The following TRPA1 variants were observed in gnomAD, a reference collection of about 807,000 sequenced individuals.
TRPA1 encodes the protein transient receptor potential cation channel subfamily A member 1.
A neutral mutation model predicts 131.3 loss-of-function variants in TRPA1; 129 were observed. The observed-to-expected ratio is 0.98, with a 90% CI of 0.85 to 1.14. The LOEUF (loss-of-function observed/expected upper bound fraction) is 1.14. Ranked by LOEUF, TRPA1 falls within the 50% of genes most tolerant of loss-of-function variation. TRPA1 has a pLI of 0.00. For synonymous variants in TRPA1, 441 were observed against 451.7 expected, an observed-to-expected ratio of 0.98 and a Z score of 0.30; for missense variants, 1,304 against 1,354.2, an observed-to-expected ratio of 0.96 and a Z score of 0.58.
At chr8:72,070,582 T>C (rs939651791) in intron 2 of TRPA1, among the ~76,000 whole-genome samples, 3 of 152,216 alleles carry the variant, frequency 2.0e-5, no homozygotes, top group African/African-American at 7.2e-5. Flanking sequence ...CCTTCCTACT[T>C]GATCTCTTTG....
intron 2 of TRPA1, among the ~76,000 whole-genome samples, 168 bp downstream of exon 2, chr8:72,071,540 TAGA>T (rs777090614): frequency 6.6e-5 from 10 of 152,318 alleles, no homozygotes; most frequent in Middle Eastern, 3.4e-3. Context: ...AGTATTTCAG[TAGA>T]AGAAGTTGAG....
chr8:72,048,466 T>A (rs917231138), intron 15 of TRPA1, among the ~76,000 whole-genome samples: 2 of 152,040 alleles, frequency 1.3e-5, no homozygotes, highest in Non-Finnish European at 2.9e-5. Flanking sequence ...GGTGACTAGA[T>A]AGCAGTACTG....
chr8:72,030,088 T>C (rs939760090), intron 23 of TRPA1, 119 bp from the exon 24 acceptor site: 66 of 923,352 alleles, frequency 7.1e-5, no homozygotes, highest in Non-Finnish European at 1.2e-4. Context: ...GGGTAGTGTA[T>C]AAATAGCATA....
intron 3 of TRPA1, 41 bp downstream of exon 3, chr8:72,068,982 C>G: frequency 6.2e-7 from 1 of 1,611,820 alleles, no homozygotes; most frequent in South Asian, 1.1e-5. Flanking sequence ...CCAGCACCTG[C>G]ACCGCCGGTC....
chr8:72,057,933 T>C lies in TRPA1; in HGVS notation c.994-117A>G. On this transcript the variant is annotated intron_variant, in intron 8 of 26. Transcript: ENST00000262209. ...AGAGTGTCTATATTATGGCTAGCAC[T>C]GAACCATACGACTAGTTATAGAATT... is the stretch of plus-strand genomic sequence containing the variant. 4.0e-6 allele frequency: 3 copies of C among 752,264 alleles called. No individual in the cohort carries two copies. The South Asian group carries it at 4.7e-5, about 12-fold the overall frequency. The allele number at this position is 752,264 out of a possible 1,614,324, so 46.6% of individuals were successfully genotyped here.
intron 1 of TRPA1, among the ~76,000 whole-genome samples, chr8:72,072,118 GC>G (rs1806077061): frequency 6.6e-6 from 1 of 152,082 alleles, no homozygotes; most frequent in Non-Finnish European, 1.5e-5. Flanking sequence ...AGAAATAAAG[GC>G]CGTTCTTCCT....
chr8:72,029,843 C>A lies in TRPA1; in HGVS notation c.2937+58G>T, dbSNP rs375264726. On this transcript the variant is annotated intron_variant, in intron 24 of 26. Transcript: ENST00000262209. ...CATTTTTGACTTGTAATATTTTTAA[C>A]TTATTGTGGGTTTACCAGAAGATAA... 8.5e-5 allele frequency: 130 copies of A among 1,536,612 alleles called. No homozygotes were observed. The African/African-American group carries it at 1.6e-3, about 19-fold the overall frequency.
chr8:72,071,701 AT>A lies in TRPA1; in HGVS notation c.268+9del. ...TGATTTCTGGAAGATGAATTGTAAT[AT>A]TTTGTTACCTTCCAAAGAGGAATCT... On this transcript the variant is annotated intron_variant, in intron 2 of 26. Coordinates refer to ENST00000262209, the MANE Select transcript of TRPA1 (RefSeq NM_007332.3). 6.2e-7 allele frequency: 1 copy of A among 1,613,372 alleles called. No homozygotes were observed. Among genetic ancestry groups the A allele is most frequent in the Non-Finnish European group, 8.5e-7 (1 of 1,179,580 alleles).
intron 1 of TRPA1, among the ~76,000 whole-genome samples, chr8:72,074,766 T>C (rs1440259311): frequency 6.6e-6 from 1 of 152,146 alleles, no homozygotes; most frequent in African/African-American, 2.4e-5. Context: ...CTCCTACCCC[T>C]GGAGAAGGAA....
chr8:72,059,201 A>AC (rs1303032366), intron 8 of TRPA1, among the ~76,000 whole-genome samples, 189 bp downstream of exon 8: 1 of 152,260 alleles, frequency 6.6e-6, no homozygotes, highest in Non-Finnish European at 1.5e-5. Context: ...TAACTGTAAT[A>AC]GTTTGGCTGT....
rs372879980 is a variant in TRPA1, at chr8:72,073,043, T to A, written c.112-1176A>T. ...AAAATATATATTCATTTAATGTAGTTTCATGTTGTCACAGGGTCACTTCAG... is the reference window on the plus strand; with the variant it reads ...AAAATATATATTCATTTAATGTAGTATCATGTTGTCACAGGGTCACTTCAG... On this transcript the variant is annotated intron_variant, in intron 1 of 26. Transcript: ENST00000262209. Among the ~76,000 whole-genome samples the A allele has an allele frequency of 5.3e-5, 8 of 152,192 alleles. No homozygotes were observed. The East Asian group carries it at 1.2e-3, about 22-fold the overall frequency.
At chr8:72,062,688 G>A (rs1805835271) in intron 6 of TRPA1, 111 bp downstream of exon 6, 1 of 1,093,224 alleles carries the variant, frequency 9.1e-7, no homozygotes, top group South Asian at 1.3e-5. Context: ...AAGGAAATAT[G>A]TATTTCTTGT....
chr8:72,036,005 C>CAAAAAAAAAAAAAAAAAAAAAAAA (rs58197251), intron 21 of TRPA1, among the ~76,000 whole-genome samples: 2 of 44,964 alleles, frequency 4.4e-5, no homozygotes, highest in Non-Finnish European at 7.9e-5. Flanking sequence ...TCCCCCTCCA[C>CAAAAAAAAAAAAAAAAAAAAAAAA]AAAAAAAAAA....
intron 14 of TRPA1, 67 bp downstream of exon 14, chr8:72,052,532 G>A (rs572668338): frequency 6.3e-7 from 1 of 1,586,792 alleles, no homozygotes; most frequent in Non-Finnish European, 8.6e-7. Flanking sequence ...CTCTTATTTT[G>A]TCTCAGACTT....
At chr8:72,071,103 G>T (rs934104053) in intron 2 of TRPA1, among the ~76,000 whole-genome samples, 2 of 152,010 alleles carry the variant, frequency 1.3e-5, no homozygotes, top group South Asian at 4.2e-4. Context: ...TCTCCTTTTT[G>T]TAGCCTCACA....
intron 21 of TRPA1, 59 bp downstream of exon 21, chr8:72,036,229 T>G: frequency 6.4e-7 from 1 of 1,570,356 alleles, no homozygotes; most frequent in Non-Finnish European, 8.7e-7. Flanking sequence ...GGTACAATAG[T>G]TTTTCTTTTG....
chr8:72,046,638 AT>A lies in TRPA1; in HGVS notation c.1966-31del, dbSNP rs1164283054. On this transcript the variant is annotated intron_variant, in intron 16 of 26. Coordinates refer to ENST00000262209, the MANE Select transcript of TRPA1 (RefSeq NM_007332.3). ...AGAAGACAGAATTTTTTTTAAAAAA[AT>A]GTACAGTTAGTCAAGTATAGAATCC... is the stretch of plus-strand genomic sequence containing the variant. 4.1e-6 allele frequency: 5 copies of A among 1,216,390 alleles called. No homozygotes were observed. In the African/African-American group the frequency reaches 5.9e-5, roughly 14 times the overall value. The allele number at this position is 1,216,390 out of a possible 1,614,324, so 75.3% of individuals were successfully genotyped here. A position where few individuals can be genotyped will look rare whatever the true frequency, so the allele number is the denominator to read the frequency against.
chr8:72,068,548 C>T (rs546128923), intron 3 of TRPA1, among the ~76,000 whole-genome samples: 2 of 152,328 alleles, frequency 1.3e-5, no homozygotes, highest in South Asian at 2.1e-4. Context: ...TCTGTTTTCA[C>T]TGAGTCTCTC....
In TRPA1 at chr8:72,053,838, T is replaced by C. The variant is rs773908662; in HGVS notation, c.1559A>G (p.His520Arg). The change falls in exon 13 of 27, where the codon CAT becomes CGT. Residue 520 changes from histidine to arginine, a missense_variant. His to Arg is a conservative substitution (Grantham distance 29). Coordinates refer to ENST00000262209, the MANE Select transcript of TRPA1 (RefSeq NM_007332.3). ...CTGAGTGTACCCGCCCATGGACGCA[T>C]GATGCAAAGCTGTCCAGCCATTGTG... Reference protein sequence around the residue: ...SDHNGWTALHHASMGGYTQTM... With the variant: ...SDHNGWTALHRASMGGYTQTM... 2 of 1,611,980 alleles carry C rather than the reference T, an allele frequency of 1.2e-6. No homozygotes were observed. The highest frequency in any genetic ancestry group is 2.2e-5 in the South Asian group (2 of 90,846).
Sources: gnomAD v4.1 joint callset for allele counts (sites outside exome capture counted in the v4.1 genomes callset) on GRCh38, gnomAD v4.1.1 for gene constraint, MANE v1.5 for transcripts, NCBI Gene and HGNC (gene_info 2026-07-23, HGNC 2026-07-21) for gene names.